Variants in PRR5 observed in about 807,000 individuals in gnomAD.
PRR5 encodes the protein proline rich 5, also known as proline-rich protein 5.
PRR5 carries 25 observed loss-of-function variants against 30.6 expected under a neutral mutation model. That is an observed-to-expected ratio of 0.82 (90% confidence interval 0.60 to 1.14). The LOEUF is 1.14. Ranked by LOEUF, PRR5 falls within the 50% of genes most tolerant of loss-of-function variation. The probability of loss-of-function intolerance (pLI) is 0.00; values close to 1 mark genes in which losing one functional copy is unlikely to be tolerated. For synonymous variants in PRR5, 286 were observed against 247.1 expected (o/e 1.16, Z -1.48); for missense variants, 600 against 547.1 (o/e 1.10, Z -0.96).
At chr22:44,680,995 A>G (rs959455181) in intron 1 of PRR5, among the ~76,000 whole-genome samples, 6 of 152,218 alleles carry the variant, frequency 3.9e-5, no homozygotes, top group African/African-American at 9.6e-5. Flanking sequence ...CTGGCATTCC[A>G]GGGCCACGAT....
Position 44,735,029 on chromosome 22 carries a change from G to A in PRR5, c.558G>A (p.Gly186=), listed in dbSNP as rs1199018137. 1.9e-6 allele frequency: 3 copies of A among 1,612,468 alleles called. No individual in the cohort carries two copies. Among genetic ancestry groups the A allele is most frequent in the African/African-American group, 1.3e-5 (1 of 75,032 alleles). Residue 186 remains glycine (G), a splice_region_variant and synonymous_variant, in exon 7 of 8, where the codon GGG becomes GGA. Coordinates refer to ENST00000336985, the MANE Select transcript of PRR5 (RefSeq NM_181333.4). ...AIVQMLLVLQ[G]VHESRGVTED... is the part of the protein sequence containing the mutation. ...CCCCCTGCCCCACTCTCCTGCAGGG[G>A]GTACATGAGTCCAGGGGCGTGACTG...
rs572556218 is a variant in PRR5, at chr22:44,703,955, G to A, written c.134+1347G>A. 5.8e-4 allele frequency among the ~76,000 whole-genome samples: 88 copies of A among 152,282 alleles called. 2 individuals carry two copies. The highest frequency in any genetic ancestry group is 3.1e-3 in the South Asian group (15 of 4,826). On this transcript the variant is annotated intron_variant, in intron 1 of 7. Coordinates refer to ENST00000336985, the MANE Select transcript of PRR5 (RefSeq NM_181333.4). ...ATCTCTCTGTCCTTGAATCTCTGCCGTGATTTAGAGGAAAGAGTTAAATAG... is the reference window on the plus strand; with the variant it reads ...ATCTCTCTGTCCTTGAATCTCTGCCATGATTTAGAGGAAAGAGTTAAATAG...
Position 44,732,234 on chromosome 22 carries a change from G to T in PRR5, c.415-17G>T. On this transcript the variant is annotated splice_polypyrimidine_tract_variant and intron_variant, in intron 5 of 7. Coordinates refer to ENST00000336985, the MANE Select transcript of PRR5 (RefSeq NM_181333.4). ...ATGTGACCACAGCCGGTGGGGTGGG[G>T]TGCCTTCCGTCCACAGGGCAAGGAG... 6.2e-7 allele frequency: 1 copy of T among 1,609,014 alleles called. No homozygotes were observed. Among genetic ancestry groups the T allele is most frequent in the East Asian group, 2.2e-5 (1 of 44,816 alleles).
At chr22:44,726,372 G>A (rs1014047441) in intron 3 of PRR5, among the ~76,000 whole-genome samples, 14 of 152,188 alleles carry the variant, frequency 9.2e-5, no homozygotes, top group African/African-American at 1.9e-4. Flanking sequence ...CTCCTGTCTC[G>A]TGACAACCCG....
Position 44,736,969 on chromosome 22 carries a change from G to A in PRR5, c.889G>A (p.Asp297Asn), listed in dbSNP as rs199815736. 50 of 1,601,596 alleles carry A rather than the reference G, an allele frequency of 3.1e-5. No homozygotes were observed. Among genetic ancestry groups the A allele is most frequent in the African/African-American group, 6.7e-5 (5 of 74,730 alleles). ...CTGCCCCGAGCCTCAGGGCTTCTCC[G>A]ACCCGCCCGGCCAGGGCCCCACCGG... ...TSCPEPQGFSDPPGQGPTGTF... is the reference protein window; with the variant it reads ...TSCPEPQGFSNPPGQGPTGTF... The change falls in exon 8 of 8, where the codon GAC becomes AAC. Residue 297 changes from aspartate (D) to asparagine (N), a missense_variant. Coordinates refer to ENST00000336985, the MANE Select transcript of PRR5 (RefSeq NM_181333.4).
intron 2 of PRR5, among the ~76,000 whole-genome samples, chr22:44,723,551 C>G (rs111620140): frequency 0.025 from 3,849 of 152,006 alleles, 164 homozygotes; most frequent in African/African-American, 0.088. Context: ...GAAACCCTGT[C>G]TCTACTAAAA....
chr22:44,708,143 T>A (rs888674709), intron 1 of PRR5, among the ~76,000 whole-genome samples: 2 of 152,000 alleles, frequency 1.3e-5, no homozygotes, highest in Non-Finnish European at 2.9e-5. Flanking sequence ...GAGGTTGCAG[T>A]GAGCCGAGAA....
At chr22:44,706,805 G>C (rs1927277143) in intron 1 of PRR5, among the ~76,000 whole-genome samples, 2 of 152,184 alleles carry the variant, frequency 1.3e-5, no homozygotes, top group Non-Finnish European at 2.9e-5. Flanking sequence ...TGGGATTACA[G>C]GCATGAGCCA....
intron 4 of PRR5, 167 bp from the exon 5 acceptor site, chr22:44,731,563 C>G (rs1199372426): frequency 6.1e-6 from 4 of 660,470 alleles, no homozygotes; most frequent in Non-Finnish European, 1.1e-5. Flanking sequence ...GGGCCCAGGG[C>G]CATAGAACAG....
upstream of PRR5, among the ~76,000 whole-genome samples, chr22:44,698,618 G>A (rs140324861): frequency 6.6e-6 from 1 of 152,300 alleles, no homozygotes; most frequent in Non-Finnish European, 1.5e-5. Flanking sequence ...GTGGGCACCT[G>A]GAGGCCTTGT....
At chr22:44,720,226 C>G (rs1929723156) in intron 2 of PRR5, among the ~76,000 whole-genome samples, 1 of 152,268 alleles carries the variant, frequency 6.6e-6, no homozygotes, top group Non-Finnish European at 1.5e-5. Flanking sequence ...CAGCAGGTCT[C>G]ACGTGCAGGC....
intron 4 of PRR5, chr22:44,729,240 C>T (rs1282626380): frequency 1.2e-5 from 11 of 897,508 alleles, no homozygotes; most frequent in Admixed American, 6.2e-5. Context: ...CAGCGCGTGG[C>T]TTTTGTCACT....
At chr22:44,695,681 C>T (rs1271646422) in intron 1 of PRR5, among the ~76,000 whole-genome samples, 1 of 150,420 alleles carries the variant, frequency 6.6e-6, no homozygotes, top group Non-Finnish European at 1.5e-5. Flanking sequence ...TTACTGCAAC[C>T]TCTACCTCCC....
chr22:44,714,451 T>G, intron 1 of PRR5, 140 bp from the exon 2 acceptor site: 5 of 1,195,174 alleles, frequency 4.2e-6, no homozygotes, highest in Non-Finnish European at 3.5e-6. Context: ...GGCCTCGGAG[T>G]TGAAGTGGGT....
Position 44,691,829 on chromosome 22 carries a change from G to A in PRR5, c.-10-10663G>A, listed in dbSNP as rs1420682275. Among the ~76,000 whole-genome samples the A allele has an allele frequency of 1.3e-5, 2 of 152,026 alleles. No homozygotes were observed. Among genetic ancestry groups the A allele is most frequent in the African/African-American group, 4.8e-5 (2 of 41,400 alleles). On this transcript the variant is annotated intron_variant, in intron 1 of 8. Transcript: ENST00000006251. The surrounding 1 kb of genome is among the most constrained non-coding windows in gnomAD (Gnocchi z 4.4). ...GTTTTTTCCAGATGAGGACTCCTTGGTAGCAGAAGTGGGGGCATGGCTGGT... is the reference window on the plus strand; with the variant it reads ...GTTTTTTCCAGATGAGGACTCCTTGATAGCAGAAGTGGGGGCATGGCTGGT...
intron 2 of PRR5, among the ~76,000 whole-genome samples, chr22:44,718,825 C>T (rs978318539): frequency 3.3e-5 from 5 of 152,144 alleles, no homozygotes; most frequent in Admixed American, 3.3e-4. Context: ...CCATCCCTTG[C>T]CCATTTTTCA....
intron 2 of PRR5, among the ~76,000 whole-genome samples, chr22:44,715,311 CTG>C (rs1275049496): frequency 1.3e-5 from 2 of 152,188 alleles, no homozygotes; most frequent in Non-Finnish European, 2.9e-5. Context: ...GTTCCCAGCT[CTG>C]TGCTATTTCC....
intron 1 of PRR5, among the ~76,000 whole-genome samples, chr22:44,703,581 G>A (rs1355945790): frequency 1.3e-5 from 2 of 152,168 alleles, no homozygotes; most frequent in Non-Finnish European, 2.9e-5. Flanking sequence ...ACTGCTAGAG[G>A]GCTGTCACAT....
At chr22:44,697,294 C>T (rs546812545), upstream of PRR5, among the ~76,000 whole-genome samples, 4 of 152,332 alleles carry the variant, frequency 2.6e-5, no homozygotes, top group South Asian at 2.1e-4. Flanking sequence ...CTCCTTCTGC[C>T]GTGCGACCAC....
Sources: allele counts gnomAD v4.1 joint callset (sites outside exome capture counted in the v4.1 genomes callset), GRCh38; gene constraint gnomAD v4.1.1; non-coding constraint Gnocchi (gnomAD v3.1); transcripts MANE v1.5; gene names NCBI Gene and HGNC (gene_info 2026-07-23, HGNC 2026-07-21).